The following SHANK2 variants were observed in gnomAD, a reference collection of about 807,000 sequenced individuals.
SHANK2 encodes the protein SH3 and multiple ankyrin repeat domains 2, also known as SH3 and multiple ankyrin repeat domains protein 2.
A neutral mutation model predicts 133.7 loss-of-function variants in SHANK2; 43 were observed. That is an observed-to-expected ratio of 0.32 (90% confidence interval 0.25 to 0.41). The LOEUF (loss-of-function observed/expected upper bound fraction) is 0.41, where lower values mean the gene tolerates loss of function less well. SHANK2 is among the 10% of genes least tolerant of loss of function. The probability of loss-of-function intolerance (pLI) is 1.00; values close to 1 mark genes in which losing one functional copy is unlikely to be tolerated. For synonymous variants in SHANK2, 1,017 were observed against 952.8 expected, an observed-to-expected ratio of 1.07 and a Z score of -1.24; for missense variants, 1,994 against 2,235.8, an observed-to-expected ratio of 0.89 and a Z score of 2.18.
intron 2 of SHANK2, among the ~76,000 whole-genome samples, chr11:71,220,752 G>T (rs1954519068): frequency 6.6e-6 from 1 of 152,166 alleles, no homozygotes; most frequent in South Asian, 2.1e-4. Flanking sequence ...GTTGAATAGG[G>T]GTTGTCAGGG....
At chr11:70,681,631 C>T (rs1174576041) in intron 15 of SHANK2, among the ~76,000 whole-genome samples, 1 of 152,154 alleles carries the variant, frequency 6.6e-6, no homozygotes, top group Non-Finnish European at 1.5e-5. Flanking sequence ...AGCTCATTCG[C>T]ATGAAGGGAG....
chr11:71,236,983 G>A (rs1954833195), intron 1 of SHANK2, among the ~76,000 whole-genome samples: 1 of 152,236 alleles, frequency 6.6e-6, no homozygotes, highest in Non-Finnish European at 1.5e-5. Flanking sequence ...CTGCGGGCCT[G>A]GGAGGCTGTC....
intron 17 of SHANK2, among the ~76,000 whole-genome samples, chr11:70,615,856 G>A (rs1006606613): frequency 3.3e-5 from 5 of 152,218 alleles, no homozygotes; most frequent in Non-Finnish European, 7.3e-5. Context: ...GGCAACAAGG[G>A]AGGAACTTGC....
At chr11:71,098,321 G>A (rs1369102173) in intron 6 of SHANK2, among the ~76,000 whole-genome samples, 6 of 152,198 alleles carry the variant, frequency 3.9e-5, no homozygotes, top group Non-Finnish European at 7.3e-5. Flanking sequence ...GTGCACACCC[G>A]TGTGTGTGCT....
intron 17 of SHANK2, among the ~76,000 whole-genome samples, chr11:70,653,517 AC>A (rs1480533477): frequency 6.9e-6 from 1 of 144,758 alleles, no homozygotes; most frequent in Non-Finnish European, 1.5e-5. Context: ...ATCTCGGCTC[AC>A]TGCAACCTCC....
chr11:70,632,247 G>A (rs890742580), intron 17 of SHANK2, among the ~76,000 whole-genome samples: 2 of 151,850 alleles, frequency 1.3e-5, no homozygotes, highest in South Asian at 2.1e-4. Context: ...TCAGCCTCCC[G>A]AGTAGCTGGG....
chr11:71,078,196 G>A (rs1015292011), intron 8 of SHANK2, among the ~76,000 whole-genome samples: 1 of 151,916 alleles, frequency 6.6e-6, no homozygotes, highest in South Asian at 2.1e-4. Flanking sequence ...AAATCAATGG[G>A]GCTGTGTCCC....
chr11:70,557,037 T>C (rs1373446864), intron 17 of SHANK2, among the ~76,000 whole-genome samples: 1 of 152,174 alleles, frequency 6.6e-6, no homozygotes, highest in South Asian at 2.1e-4. Flanking sequence ...CCTGACTGTA[T>C]TTTTACAAAG....
At chr11:70,685,902 C>A (rs192325796) in intron 15 of SHANK2, among the ~76,000 whole-genome samples, 1 of 152,112 alleles carries the variant, frequency 6.6e-6, no homozygotes, top group African/African-American at 2.4e-5. Flanking sequence ...TTGGTCCCCA[C>A]CCTTACCCCA....
At chr11:70,768,614 C>T (rs1050117026) in intron 14 of SHANK2, among the ~76,000 whole-genome samples, 11 of 152,184 alleles carry the variant, frequency 7.2e-5, no homozygotes, top group Admixed American at 2.0e-4. Context: ...GGGCACACAC[C>T]ACAGCCTGCA....
chr11:71,140,578 G>A (rs1213172023), intron 3 of SHANK2, among the ~76,000 whole-genome samples: 1 of 152,226 alleles, frequency 6.6e-6, no homozygotes, highest in South Asian at 2.1e-4. Flanking sequence ...CCTTCTACGT[G>A]GCTGATGAGA....
chr11:70,605,889 C>CGAGGAAG (rs574397216), intron 17 of SHANK2, among the ~76,000 whole-genome samples: 8 of 152,034 alleles, frequency 5.3e-5, no homozygotes, highest in Admixed American at 1.3e-4. Flanking sequence ...CTGAAGCCAG[C>CGAGGAAG]GAGGAAGGAG....
chr11:70,708,407 A>G (rs1339529989), intron 14 of SHANK2, among the ~76,000 whole-genome samples: 4 of 151,998 alleles, frequency 2.6e-5, no homozygotes, highest in Non-Finnish European at 4.4e-5. Flanking sequence ...ATCTCTAAAC[A>G]TTGGGATTCA....
chr11:71,211,953 C>T (rs891591650), intron 2 of SHANK2, among the ~76,000 whole-genome samples: 15 of 152,164 alleles, frequency 9.9e-5, no homozygotes, highest in Admixed American at 7.9e-4. Context: ...GGCTTAACGT[C>T]CACCTCAAAG....
Position 70,500,423 on chromosome 11 carries a change from G to T in SHANK2, c.2308+147C>A. 1 of 999,606 alleles carries T rather than the reference G, an allele frequency of 1.0e-6. No homozygotes were observed. The highest frequency in any genetic ancestry group is 1.5e-6 in the Non-Finnish European group (1 of 661,466). 61.9% of individuals were successfully genotyped at this position (999,606 alleles called of 1,614,324 possible). On this transcript the variant is annotated intron_variant, in intron 21 of 25. Coordinates refer to ENST00000601538, the MANE Select transcript of SHANK2 (RefSeq NM_012309.5). The surrounding 1 kb of genome is among the most constrained non-coding windows in gnomAD (Gnocchi z 4.5). ...AACAGACAGATGAATGTGCTCCAGG[G>T]CGGCAGGGCTCCTCGGGCAGGACCC...
Position 70,502,939 on chromosome 11 carries a change from A to G in SHANK2, c.2062-8T>C, listed in dbSNP as rs782769476. 5 of 1,613,962 alleles carry G rather than the reference A, an allele frequency of 3.1e-6. No individual in the cohort carries two copies. In the African/African-American group the frequency reaches 6.7e-5, roughly 22 times the overall value. ...AACATTCTCATTGTTAACCTGTGGG[A>G]AGGCGGAGAGGATGGCATCAGTGAG... On this transcript the variant is annotated splice_polypyrimidine_tract_variant and splice_region_variant and intron_variant, in intron 17 of 25. Coordinates refer to ENST00000601538, the MANE Select transcript of SHANK2 (RefSeq NM_012309.5).
intron 14 of SHANK2, among the ~76,000 whole-genome samples, chr11:70,788,386 G>C (rs1252481508): frequency 6.6e-6 from 1 of 152,198 alleles, no homozygotes; most frequent in Non-Finnish European, 1.5e-5. Flanking sequence ...GAAAAGTCCA[G>C]AAATAAACAG....
intron 2 of SHANK2, among the ~76,000 whole-genome samples, chr11:71,164,813 G>C (rs1307366596): frequency 6.6e-6 from 1 of 152,130 alleles, no homozygotes; most frequent in Non-Finnish European, 1.5e-5. Flanking sequence ...TCTGTTGGGG[G>C]CCTAGGAGAG....
At chr11:70,549,209 G>A (rs1554977214) in intron 17 of SHANK2, among the ~76,000 whole-genome samples, 2 of 152,184 alleles carry the variant, frequency 1.3e-5, no homozygotes, top group Non-Finnish European at 1.5e-5. Flanking sequence ...GACTTACGTA[G>A]GTACTTATCA....
Sources: gnomAD v4.1 joint callset for allele counts (sites outside exome capture counted in the v4.1 genomes callset) on GRCh38, gnomAD v4.1.1 for gene constraint, Gnocchi (gnomAD v3.1) non-coding constraint, MANE v1.5 for transcripts, NCBI Gene and HGNC (gene_info 2026-07-23, HGNC 2026-07-21) for gene names.